Variants in TTC39A observed in about 807,000 individuals in gnomAD.
TTC39A encodes the protein tetratricopeptide repeat domain 39A.
In TTC39A, 46 loss-of-function variants were observed where a neutral mutation model predicts 82.3. That is an observed-to-expected ratio of 0.56 (90% CI 0.44 to 0.71). TTC39A has a LOEUF of 0.71. TTC39A is among the 30% of genes least tolerant of loss of function. The pLI is 0.00. For missense variants in TTC39A, 543 were observed against 712.9 expected (o/e 0.76, Z 2.71); for synonymous variants, 254 against 275.2 (o/e 0.92, Z 0.76).
intron 15 of TTC39A, 39 bp downstream of exon 15, chr1:51,290,475 G>A: frequency 6.3e-7 from 1 of 1,581,872 alleles, no homozygotes; most frequent in Non-Finnish European, 8.6e-7. Context: ...GTAAAGACCT[G>A]ACCTAGCATG....
At chr1:51,337,899 G>A (rs956613273) in intron 1 of TTC39A, among the ~76,000 whole-genome samples, 1 of 151,864 alleles carries the variant, frequency 6.6e-6, no homozygotes, top group African/African-American at 2.4e-5. Context: ...GTTTTGAGTG[G>A]GGTCTCACTA....
upstream of TTC39A, among the ~76,000 whole-genome samples, chr1:51,335,540 G>T (rs934205228): frequency 7.1e-6 from 1 of 141,282 alleles, no homozygotes; most frequent in African/African-American, 2.7e-5. Flanking sequence ...CAGACTGGGC[G>T]ACAGAGAGAA....
chr1:51,319,879 C>A (rs1210971492), intron 2 of TTC39A, among the ~76,000 whole-genome samples: 1 of 151,964 alleles, frequency 6.6e-6, no homozygotes, highest in Non-Finnish European at 1.5e-5. Context: ...TTAGTAGCGA[C>A]GAGGTTTCAC....
intron 14 of TTC39A, among the ~76,000 whole-genome samples, chr1:51,292,382 CCAGTATTTCT>C (rs1644256303): frequency 6.6e-6 from 1 of 152,034 alleles, no homozygotes; most frequent in Non-Finnish European, 1.5e-5. Flanking sequence ...TCAGTTTAGA[CCAGTATTTCT>C]CAACTGTTCT....
intron 2 of TTC39A, among the ~76,000 whole-genome samples, chr1:51,316,370 C>T (rs1645284040): frequency 6.6e-6 from 1 of 152,200 alleles, no homozygotes; most frequent in South Asian, 2.1e-4. Context: ...TGGCTCATCA[C>T]TCCCGCTGCC....
At position 51,295,901 on chromosome 1, in the gene TTC39A, C is replaced by T. The variant is rs997228187; in HGVS notation, c.1145+178G>A. 6.2e-6 allele frequency: 4 copies of T among 642,632 alleles called. No individual in the cohort carries two copies. The South Asian group carries it at 7.1e-5, about 11-fold the overall frequency. The allele number at this position is 642,632 out of a possible 1,614,324, so 39.8% of individuals were successfully genotyped here. The stretch of plus-strand genomic sequence containing the variant: ...GGGCTCCAACCACCAGCAGCAGCAG[C>T]ATGGGGTGGTGATGGGAGGGGAGGA... On this transcript the variant is annotated intron_variant, in intron 13 of 17. Coordinates refer to ENST00000680483, the MANE Select transcript of TTC39A (RefSeq NM_001297663.2).
At chr1:51,333,338 T>A (rs1255924664), upstream of TTC39A, among the ~76,000 whole-genome samples, 1 of 152,026 alleles carries the variant, frequency 6.6e-6, no homozygotes, top group East Asian at 1.9e-4. Context: ...ATTATGCATA[T>A]GCAAATATTC....
At chr1:51,316,595 G>T (rs1007367208) in intron 2 of TTC39A, among the ~76,000 whole-genome samples, 1 of 152,214 alleles carries the variant, frequency 6.6e-6, no homozygotes, top group Non-Finnish European at 1.5e-5. Context: ...ACAGACACAG[G>T]CTGGACTGGG....
intron 1 of TTC39A, among the ~76,000 whole-genome samples, chr1:51,325,277 A>T (rs1645673376): frequency 1.3e-5 from 2 of 151,862 alleles, no homozygotes; most frequent in African/African-American, 4.8e-5. Flanking sequence ...AAAACCACAA[A>T]TGTCACTTCT....
intron 2 of TTC39A, among the ~76,000 whole-genome samples, chr1:51,317,287 T>A (rs909113998): frequency 1.8e-4 from 28 of 152,228 alleles, no homozygotes; most frequent in African/African-American, 6.8e-4. Context: ...GGAGGCTGTT[T>A]TCCAGCAAGA....
At chr1:51,306,931 T>C (rs962609976) in intron 6 of TTC39A, among the ~76,000 whole-genome samples, 2 of 142,442 alleles carry the variant, frequency 1.4e-5, no homozygotes, top group South Asian at 4.4e-4. Flanking sequence ...TGGGCCTGAC[T>C]TAGTCTGGGG....
Position 51,321,858 on chromosome 1 carries a change from G to T in TTC39A, c.42-33C>A. The T allele has an allele frequency of 2.5e-6, 4 of 1,579,610 alleles. No individual in the cohort carries two copies. The highest frequency in any genetic ancestry group is 3.5e-6 in the Non-Finnish European group (4 of 1,155,952). On this transcript the variant is annotated intron_variant, in intron 1 of 17. Coordinates refer to ENST00000680483, the MANE Select transcript of TTC39A (RefSeq NM_001297663.2). This position sits in a 1 kb window ranked among gnomAD's most constrained non-coding sequence, Gnocchi z 4.6. ...AAGAGATGCGGGGCATGACACAGGG[G>T]CCCTCCAACCCTCCAGCCTCTCCTG...
At chr1:51,320,627 A>T (rs1472471453) in intron 2 of TTC39A, among the ~76,000 whole-genome samples, 3 of 147,686 alleles carry the variant, frequency 2.0e-5, no homozygotes, top group African/African-American at 7.5e-5. Flanking sequence ...AATTTTTTGT[A>T]TTTTTTTTTG....
chr1:51,306,025 G>T lies in TTC39A; in HGVS notation c.540C>A (p.His180Gln). 6.2e-7 allele frequency: 1 copy of T among 1,614,006 alleles called. No individual in the cohort carries two copies. Among genetic ancestry groups the T allele is most frequent in the Non-Finnish European group, 8.5e-7 (1 of 1,179,878 alleles). Residue 180 changes from histidine to glutamine, a missense_variant, in exon 7 of 18, where the codon CAC (histidine) becomes CAA (glutamine). Physicochemically the swap from His to Gln is conservative, Grantham distance 24. Transcript: ENST00000680483. ...QSSQYCKGEN[H>Q]PHFEGGVKLG... is the part of the protein sequence containing the mutation. The stretch of plus-strand genomic sequence containing the variant: ...GCTTCACTCCTCCTTCAAAGTGCGG[G>T]TGGTTCTCACCCTTGCAGTATTGTG...
intron 6 of TTC39A, among the ~76,000 whole-genome samples, chr1:51,307,780 T>C (rs1170392055): frequency 6.6e-6 from 1 of 152,080 alleles, no homozygotes; most frequent in Non-Finnish European, 1.5e-5. Context: ...CCTCTTTTTT[T>C]CATTTTGTTT....
In TTC39A at chr1:51,288,818, C is replaced by T. The variant is rs374418431; in HGVS notation, c.1610+21G>A. On this transcript the variant is annotated intron_variant, in intron 17 of 17. Coordinates refer to ENST00000680483, the MANE Select transcript of TTC39A (RefSeq NM_001297663.2). This position sits in a 1 kb window ranked among gnomAD's most constrained non-coding sequence, Gnocchi z 4.8. The stretch of plus-strand genomic sequence containing the variant: ...GAGTTCAGAGGGAGCAAAGGACAGA[C>T]TGAGGTTACCCAAGCCTTACTTGGC... 1.9e-6 allele frequency: 3 copies of T among 1,578,360 alleles called. No homozygotes were observed. The highest frequency in any genetic ancestry group is 1.7e-6 in the Non-Finnish European group (2 of 1,160,972).
chr1:51,288,360 C>T lies in TTC39A; in HGVS notation c.1611-80G>A. The T allele has an allele frequency of 1.3e-6, 2 of 1,596,818 alleles. No individual in the cohort carries two copies. Among genetic ancestry groups the T allele is most frequent in the South Asian group, 2.2e-5 (2 of 88,980 alleles). On this transcript the variant is annotated intron_variant, in intron 17 of 17. Coordinates refer to ENST00000680483, the MANE Select transcript of TTC39A (RefSeq NM_001297663.2). The surrounding 1 kb of genome is among the most constrained non-coding windows in gnomAD (Gnocchi z 4.8). ...TTCCTCCTGTTTGAGCTGTATGAGC[C>T]CCGCGAGCCAAGGAAGGATTGTAGA...
upstream of TTC39A, among the ~76,000 whole-genome samples, chr1:51,334,507 C>CA (rs542125300): frequency 6.6e-5 from 10 of 151,164 alleles, no homozygotes; most frequent in African/African-American, 1.7e-4. Flanking sequence ...CCATCTAAAA[C>CA]AAAAAAAAGC....
intron 1 of TTC39A, among the ~76,000 whole-genome samples, chr1:51,339,419 G>A (rs1009381434): frequency 6.6e-6 from 1 of 152,156 alleles, no homozygotes; most frequent in Non-Finnish European, 1.5e-5. Flanking sequence ...TTTTATAGCC[G>A]ATCTTAGCAT....
Sources: allele counts gnomAD v4.1 joint callset (sites outside exome capture counted in the v4.1 genomes callset), GRCh38; gene constraint gnomAD v4.1.1; non-coding constraint Gnocchi (gnomAD v3.1); transcripts MANE v1.5; gene names NCBI Gene and HGNC (gene_info 2026-07-23, HGNC 2026-07-21).